The following ARRB1 variants were observed in gnomAD, a reference collection of about 807,000 sequenced individuals.
ARRB1 encodes the protein beta-arrestin-1.
A neutral mutation model predicts 56.8 loss-of-function variants in ARRB1; 21 were observed. The ratio of observed to expected loss-of-function variants is 0.37; its 90% CI spans 0.26 to 0.53. ARRB1 has a LOEUF of 0.53. Ranked by LOEUF, ARRB1 falls within the 20% of genes least tolerant of loss-of-function variation. The pLI is 0.88. For missense variants in ARRB1, 424 were observed against 553.7 expected, an observed-to-expected ratio of 0.77 and a Z score of 2.35; for synonymous variants, 210 against 218.6, an observed-to-expected ratio of 0.96 and a Z score of 0.35.
chr11:75,280,046 A>C (rs1946291348), intron 7 of ARRB1, among the ~76,000 whole-genome samples: 1 of 152,180 alleles, frequency 6.6e-6, no homozygotes, highest in African/African-American at 2.4e-5. Context: ...TCTGGCACCT[A>C]ATCAGCCCTT....
At chr11:75,280,082 A>G (rs1322919816) in intron 7 of ARRB1, among the ~76,000 whole-genome samples, 2 of 152,168 alleles carry the variant, frequency 1.3e-5, no homozygotes, top group Non-Finnish European at 2.9e-5. Context: ...CTATATCATT[A>G]TTATTAGTAA....
intron 1 of ARRB1, among the ~76,000 whole-genome samples, chr11:75,302,024 G>A (rs559191026): frequency 6.6e-6 from 1 of 152,306 alleles, no homozygotes; most frequent in Admixed American, 6.5e-5. Context: ...TCACACCAGG[G>A]CCAGGAAGCT....
chr11:75,300,967 C>CAAAAAAAA, intron 1 of ARRB1, among the ~76,000 whole-genome samples: 1 of 76,714 alleles, frequency 1.3e-5, no homozygotes. Flanking sequence ...GACTCCGTCT[C>CAAAAAAAA]AAAAAAAAAA....
intron 1 of ARRB1, among the ~76,000 whole-genome samples, chr11:75,350,801 C>A (rs1224208730): frequency 1.3e-5 from 2 of 152,180 alleles, no homozygotes; most frequent in Non-Finnish European, 2.9e-5. Context: ...TGGCGGGGGG[C>A]GCTCTACCCT....
chr11:75,269,548 A>C (rs1946026342), intron 13 of ARRB1, among the ~76,000 whole-genome samples: 1 of 152,212 alleles, frequency 6.6e-6, no homozygotes, highest in African/African-American at 2.4e-5. Flanking sequence ...TGCAGGGGAA[A>C]GCGGCCGGGA....
chr11:75,292,171 G>A (rs1192907577), intron 1 of ARRB1, among the ~76,000 whole-genome samples: 3 of 151,938 alleles, frequency 2.0e-5, no homozygotes, highest in South Asian at 2.1e-4. Context: ...ATGGAGTCTC[G>A]CTCTGTTGCC....
intron 1 of ARRB1, among the ~76,000 whole-genome samples, chr11:75,336,574 T>C (rs1408095365): frequency 6.6e-6 from 1 of 152,188 alleles, no homozygotes; most frequent in African/African-American, 2.4e-5. Context: ...ACAGTCCTGA[T>C]TTGCCCAGGA....
At chr11:75,319,277 C>T (rs1947309467) in intron 1 of ARRB1, among the ~76,000 whole-genome samples, 1 of 152,188 alleles carries the variant, frequency 6.6e-6, no homozygotes, top group Non-Finnish European at 1.5e-5. Flanking sequence ...CCAGGATCCT[C>T]CCCTTCCACT....
intron 2 of ARRB1, 135 bp from the exon 3 acceptor site, chr11:75,287,510 C>T (rs1946509220): frequency 1.2e-6 from 1 of 815,052 alleles, no homozygotes; most frequent in Admixed American, 2.9e-5. Context: ...CCTAAGTGGA[C>T]TTGGGCCTTC....
At chr11:75,267,605 CCACCCGCGG>C in intron 15 of ARRB1, 38 bp downstream of exon 15, 4 of 1,276,474 alleles carry the variant, frequency 3.1e-6, no homozygotes, top group Non-Finnish European at 3.4e-6. Flanking sequence ...TCCACCCCGC[CCACCCGCGG>C]CCCACCCCCG....
chr11:75,273,659 T>C (rs1946124291), intron 11 of ARRB1, among the ~76,000 whole-genome samples: 1 of 149,642 alleles, frequency 6.7e-6, no homozygotes, highest in South Asian at 2.1e-4. Flanking sequence ...GCAGCAGGAG[T>C]GACCAGATGC....
chr11:75,309,028 C>G (rs898220452), intron 1 of ARRB1, among the ~76,000 whole-genome samples: 1 of 152,230 alleles, frequency 6.6e-6, no homozygotes, highest in South Asian at 2.1e-4. Context: ...AAACTGGAGG[C>G]TAGGGAGGGG....
chr11:75,314,411 G>T (rs930165104), intron 1 of ARRB1, among the ~76,000 whole-genome samples: 5 of 152,242 alleles, frequency 3.3e-5, no homozygotes, highest in Non-Finnish European at 5.9e-5. Flanking sequence ...CAGGACACTG[G>T]AGCAGAGGGG....
intron 1 of ARRB1, among the ~76,000 whole-genome samples, chr11:75,337,835 C>T (rs1407461870): frequency 1.8e-5 from 2 of 110,024 alleles, no homozygotes; most frequent in Non-Finnish European, 3.3e-5. Context: ...AGATTCACTC[C>T]TGTTGCCCAG....
intron 7 of ARRB1, among the ~76,000 whole-genome samples, chr11:75,279,363 G>C (rs1313861528): frequency 1.3e-5 from 2 of 152,192 alleles, no homozygotes; most frequent in Admixed American, 1.3e-4. Context: ...AGCCCAGGGA[G>C]GGGAGAAGGC....
chr11:75,342,740 C>T (rs997697470), intron 1 of ARRB1, among the ~76,000 whole-genome samples: 10 of 152,128 alleles, frequency 6.6e-5, no homozygotes, highest in Admixed American at 2.0e-4. Flanking sequence ...AGAATGGCTC[C>T]GTGGCCGGGG....
intron 2 of ARRB1, among the ~76,000 whole-genome samples, chr11:75,287,814 A>G (rs547173): frequency 0.3 from 45,044 of 152,166 alleles, 6,753 homozygotes; most frequent in East Asian, 0.41. Context: ...TCCTTCTCCC[A>G]TGCAGCCAGG....
At chr11:75,331,555 T>A (rs1296956120) in intron 1 of ARRB1, among the ~76,000 whole-genome samples, 1 of 152,000 alleles carries the variant, frequency 6.6e-6, no homozygotes. Flanking sequence ...TCCTGGCTCA[T>A]CCTGGCTCAA....
At chr11:75,319,337 G>A (rs901117110) in intron 1 of ARRB1, among the ~76,000 whole-genome samples, 2 of 152,210 alleles carry the variant, frequency 1.3e-5, no homozygotes, top group Non-Finnish European at 2.9e-5. Context: ...CCCGGGACCA[G>A]GTGAGGGGGC....
Sources: gnomAD v4.1 joint callset for allele counts (sites outside exome capture counted in the v4.1 genomes callset) on GRCh38, gnomAD v4.1.1 for gene constraint, MANE v1.5 for transcripts, NCBI Gene and HGNC (gene_info 2026-07-23, HGNC 2026-07-21) for gene names.